Variants in SCN9A observed in about 807,000 individuals in gnomAD.
SCN9A encodes sodium channel protein type 9 subunit alpha.
In SCN9A, 131 loss-of-function variants were observed where a neutral mutation model predicts 187.0. The observed-to-expected ratio is 0.70, with a 90% CI of 0.61 to 0.81. The LOEUF is 0.81. Ranked by LOEUF, SCN9A falls within the 30% of genes least tolerant of loss-of-function variation. SCN9A has a pLI of 0.00. For synonymous variants in SCN9A, 809 were observed against 808.6 expected (o/e 1.00, Z -0.01); for missense variants, 2,252 against 2,396.6 (o/e 0.94, Z 1.26).
intron 1 of SCN9A, among the ~76,000 whole-genome samples, chr2:166,370,235 A>AATCATCATCATCATCATC (rs58078583): frequency 1.3e-4 from 18 of 137,160 alleles, no homozygotes; most frequent in African/African-American, 2.5e-4. Flanking sequence ...TAATAATAAT[A>AATCATCATCATCATCATC]ATCATCATCA....
chr2:166,353,109 C>G (rs1700078648), intron 1 of SCN9A, among the ~76,000 whole-genome samples: 1 of 150,492 alleles, frequency 6.6e-6, no homozygotes, highest in Non-Finnish European at 1.5e-5. Flanking sequence ...AATCCCAGCA[C>G]TTTGGGAGGC....
intron 7 of SCN9A, among the ~76,000 whole-genome samples, chr2:166,294,976 A>G (rs575056206): frequency 1.3e-5 from 2 of 152,348 alleles, no homozygotes; most frequent in African/African-American, 4.8e-5. Flanking sequence ...TAAATATACA[A>G]GATATTTTCA....
chr2:166,315,042 C>T (rs971646260), intron 1 of SCN9A, among the ~76,000 whole-genome samples: 2 of 151,990 alleles, frequency 1.3e-5, no homozygotes, highest in Non-Finnish European at 2.9e-5. Flanking sequence ...GAAAATTGTC[C>T]TCAGAATAGG....
At position 166,227,736 on chromosome 2, in the gene SCN9A, C is replaced by T. The variant is rs200054396; in HGVS notation, c.4207-13G>A. ...CCTTAAAAGTTGCCTTTAAGAATAA[C>T]ATTAATAGAATTTGAATGTTAAGCT... is the stretch of plus-strand genomic sequence containing the variant. On this transcript the variant is annotated splice_polypyrimidine_tract_variant and intron_variant, in intron 22 of 26. Coordinates refer to ENST00000642356, the MANE Select transcript of SCN9A (RefSeq NM_001365536.1). 19 of 1,361,150 alleles carry T rather than the reference C, an allele frequency of 1.4e-5. No individual in the cohort carries two copies. The highest frequency in any genetic ancestry group is 2.9e-5 in the African/African-American group (2 of 69,384). 84.3% of individuals were successfully genotyped at this position (1,361,150 alleles called of 1,614,324 possible).
At chr2:166,265,236 C>T (rs931918967) in intron 17 of SCN9A, among the ~76,000 whole-genome samples, 4 of 151,926 alleles carry the variant, frequency 2.6e-5, no homozygotes, top group Non-Finnish European at 5.9e-5. Flanking sequence ...CTCCCATCCT[C>T]CGATAACCAC....
chr2:166,247,055 C>T (rs556671032), intron 18 of SCN9A, among the ~76,000 whole-genome samples: 1 of 146,754 alleles, frequency 6.8e-6, no homozygotes, highest in South Asian at 2.1e-4. Context: ...TAATGGGTCC[C>T]AGTGAGTAAA....
chr2:166,321,014 A>G (rs1699224503), intron 1 of SCN9A, among the ~76,000 whole-genome samples: 1 of 152,202 alleles, frequency 6.6e-6, no homozygotes, highest in South Asian at 2.1e-4. Context: ...AGCATAAAAT[A>G]CTAACGTGAA....
At chr2:166,365,492 C>A (rs932050058) in intron 1 of SCN9A, among the ~76,000 whole-genome samples, 1 of 152,144 alleles carries the variant, frequency 6.6e-6, no homozygotes. Context: ...ACGCAGCCCT[C>A]GACGCAGGTT....
intron 10 of SCN9A, among the ~76,000 whole-genome samples, chr2:166,287,620 G>T (rs1697829602): frequency 6.6e-6 from 1 of 152,034 alleles, no homozygotes; most frequent in Non-Finnish European, 1.5e-5. Flanking sequence ...GAAACCTTCA[G>T]ACAAATGTTA....
Position 166,375,072 on chromosome 2 carries a change from T to C in SCN9A, c.-51+625A>G, listed in dbSNP as rs557954773. 2.5e-3 allele frequency among the ~76,000 whole-genome samples: 384 copies of C among 152,310 alleles called. 2 individuals carry two copies. The highest frequency in any genetic ancestry group is 4.0e-3 in the Non-Finnish European group (273 of 68,022). Reference sequence around the variant, plus strand: ...AAGTAAATGAGTTTCCCAAGTTGAATTCGATAAAAAGTTAAAAGGATTCTG... The same window carrying C: ...AAGTAAATGAGTTTCCCAAGTTGAACTCGATAAAAAGTTAAAAGGATTCTG... On this transcript the variant is annotated intron_variant, in intron 1 of 26. Coordinates refer to ENST00000642356, the MANE Select transcript of SCN9A (RefSeq NM_001365536.1).
chr2:166,323,431 C>A (rs1306167614), intron 1 of SCN9A, among the ~76,000 whole-genome samples: 1 of 152,136 alleles, frequency 6.6e-6, no homozygotes, highest in African/African-American at 2.4e-5. Flanking sequence ...ACTATGAAAA[C>A]CCTTCACATA....
chr2:166,279,771 G>A (rs1190186910), intron 14 of SCN9A, among the ~76,000 whole-genome samples: 1 of 151,686 alleles, frequency 6.6e-6, no homozygotes, highest in African/African-American at 2.4e-5. Flanking sequence ...ATCCTCCCAA[G>A]AATATGATAA....
chr2:166,333,662 G>A (rs1001246715), intron 1 of SCN9A, among the ~76,000 whole-genome samples: 2 of 151,848 alleles, frequency 1.3e-5, no homozygotes, highest in Non-Finnish European at 2.9e-5. Flanking sequence ...TTCAGGATTA[G>A]ATTGCATATT....
At chr2:166,239,817 T>G (rs974418107) in intron 19 of SCN9A, among the ~76,000 whole-genome samples, 1 of 152,156 alleles carries the variant, frequency 6.6e-6, no homozygotes, top group Non-Finnish European at 1.5e-5. Flanking sequence ...GAAGTCTTGA[T>G]GATGAGAACC....
chr2:166,342,688 G>A (rs1464664925), intron 1 of SCN9A, among the ~76,000 whole-genome samples: 1 of 152,118 alleles, frequency 6.6e-6, no homozygotes, highest in Non-Finnish European at 1.5e-5. Context: ...CACATGCAGT[G>A]TAAAACATAT....
At chr2:166,362,484 C>G (rs1489187336) in intron 1 of SCN9A, among the ~76,000 whole-genome samples, 1 of 151,844 alleles carries the variant, frequency 6.6e-6, no homozygotes. Flanking sequence ...GATAGTATTT[C>G]TTACTTTCTG....
chr2:166,257,387 C>T (rs1040253150), intron 17 of SCN9A, among the ~76,000 whole-genome samples: 3 of 151,586 alleles, frequency 2.0e-5, no homozygotes, highest in Non-Finnish European at 4.4e-5. Flanking sequence ...ATATCTGAAT[C>T]ATTTCTGTTA....
At chr2:166,312,226 C>T (rs1298491277) in intron 1 of SCN9A, among the ~76,000 whole-genome samples, 2 of 152,124 alleles carry the variant, frequency 1.3e-5, no homozygotes, top group African/African-American at 4.8e-5. Flanking sequence ...ATTCTAAATC[C>T]TCTGCTGTCA....
At chr2:166,367,945 T>G (rs979910863) in intron 1 of SCN9A, among the ~76,000 whole-genome samples, 4 of 152,268 alleles carry the variant, frequency 2.6e-5, no homozygotes, top group African/African-American at 9.6e-5. Context: ...TTACATGATT[T>G]AGTATGTTTG....
Sources: allele counts gnomAD v4.1 joint callset (sites outside exome capture counted in the v4.1 genomes callset), GRCh38; gene constraint gnomAD v4.1.1; transcripts MANE v1.5; gene names NCBI Gene and HGNC (gene_info 2026-07-23, HGNC 2026-07-21).